Variants in IGSF11 observed in about 807,000 individuals in gnomAD.
IGSF11 encodes CXADR like 1.
IGSF11 carries 22 observed loss-of-function variants against 41.0 expected under a neutral mutation model. That is an observed-to-expected ratio of 0.54 (90% CI 0.38 to 0.77). The LOEUF (loss-of-function observed/expected upper bound fraction) is 0.77, where lower values mean the gene tolerates loss of function less well. Ranked by LOEUF, IGSF11 falls within the 30% of genes least tolerant of loss-of-function variation. IGSF11 has a pLI of 0.00. For synonymous variants in IGSF11, 219 were observed against 201.3 expected (o/e 1.09, Z -0.74); for missense variants, 444 against 530.8 (o/e 0.84, Z 1.61).
intron 4 of IGSF11, among the ~76,000 whole-genome samples, chr3:118,921,640 G>A (rs1352145720): frequency 6.6e-6 from 1 of 151,930 alleles, no homozygotes; most frequent in Non-Finnish European, 1.5e-5. Context: ...AAGACACAAG[G>A]GCACATACCC....
chr3:118,948,205 C>T (rs1944302734), intron 1 of IGSF11: 1 of 152,300 alleles, frequency 6.6e-6, no homozygotes, highest in Non-Finnish European at 1.5e-5. Flanking sequence ...GATTCTTGGA[C>T]ATATCAGATA....
chr3:119,072,774 T>C (rs1413772376), intron 1 of IGSF11, among the ~76,000 whole-genome samples: 1 of 152,182 alleles, frequency 6.6e-6, no homozygotes, highest in Non-Finnish European at 1.5e-5. Context: ...CAAGATTTAT[T>C]GCAAAGAGCA....
intron 1 of IGSF11, among the ~76,000 whole-genome samples, chr3:119,086,541 G>A (rs900666015): frequency 6.6e-6 from 1 of 152,076 alleles, no homozygotes; most frequent in African/African-American, 2.4e-5. Flanking sequence ...ACCTACAAGG[G>A]GAACCCCATC....
intron 1 of IGSF11, among the ~76,000 whole-genome samples, chr3:119,092,040 C>T (rs987213519): frequency 2.0e-5 from 3 of 147,324 alleles, no homozygotes; most frequent in Non-Finnish European, 4.4e-5. Context: ...GAGGCACAGT[C>T]TCACCCTGTC....
intron 1 of IGSF11, among the ~76,000 whole-genome samples, chr3:119,002,305 T>A (rs1936981280): frequency 6.7e-6 from 1 of 149,470 alleles, no homozygotes; most frequent in Non-Finnish European, 1.5e-5. Context: ...CTTCACCCAC[T>A]TTTTGATGGG....
chr3:119,000,141 C>T (rs1422310161), intron 1 of IGSF11, among the ~76,000 whole-genome samples: 2 of 146,070 alleles, frequency 1.4e-5, no homozygotes, highest in African/African-American at 5.2e-5. Context: ...GGTTGTCCTC[C>T]TACCTCTCTG....
chr3:118,982,100 G>A (rs955796271), intron 1 of IGSF11, among the ~76,000 whole-genome samples: 1 of 152,122 alleles, frequency 6.6e-6, no homozygotes, highest in Non-Finnish European at 1.5e-5. Flanking sequence ...GTACCTGCCA[G>A]TATATTCAAG....
At chr3:118,904,334 C>G (rs1029440743) in intron 6 of IGSF11, among the ~76,000 whole-genome samples, 21 of 152,072 alleles carry the variant, frequency 1.4e-4, no homozygotes, top group African/African-American at 4.6e-4. Flanking sequence ...ATAGTAAACA[C>G]GTTTTAGACA....
chr3:119,086,382 C>T (rs1328497030), intron 1 of IGSF11, among the ~76,000 whole-genome samples: 2 of 151,726 alleles, frequency 1.3e-5, no homozygotes, highest in Non-Finnish European at 2.9e-5. Context: ...ACAAGAAATA[C>T]AGAAAAACGT....
chr3:119,075,832 T>G (rs915119713), intron 1 of IGSF11, among the ~76,000 whole-genome samples: 1 of 152,270 alleles, frequency 6.6e-6, no homozygotes, highest in African/African-American at 2.4e-5. Context: ...ATGGCCATAC[T>G]GCCCAAGGTA....
intron 1 of IGSF11, among the ~76,000 whole-genome samples, chr3:118,967,856 C>A (rs1427775716): frequency 6.6e-6 from 1 of 152,160 alleles, no homozygotes; most frequent in East Asian, 1.9e-4. Flanking sequence ...AGCAGTGCCA[C>A]TGAATGAGGT....
At chr3:118,973,787 G>A (rs75371742) in intron 1 of IGSF11, among the ~76,000 whole-genome samples, 3,769 of 152,244 alleles carry the variant, frequency 0.025, 133 homozygotes, top group African/African-American at 0.086. Context: ...AGAAGCAATG[G>A]CAGAGATGAA....
chr3:119,076,013 C>A (rs1204329496), intron 1 of IGSF11, among the ~76,000 whole-genome samples: 1 of 152,176 alleles, frequency 6.6e-6, no homozygotes, highest in African/African-American at 2.4e-5. Context: ...TCAAACTATA[C>A]TACAAGGCTA....
chr3:119,101,844 A>G (rs2076944736), intron 1 of IGSF11, among the ~76,000 whole-genome samples: 1 of 152,260 alleles, frequency 6.6e-6, no homozygotes. Flanking sequence ...TAAATAAATT[A>G]GTCTATTTCC....
chr3:119,079,627 C>T (rs568720442), intron 1 of IGSF11, among the ~76,000 whole-genome samples: 1 of 152,322 alleles, frequency 6.6e-6, no homozygotes, highest in East Asian at 1.9e-4. Context: ...AGACAGGAAT[C>T]AACCTAGATG....
intron 1 of IGSF11, among the ~76,000 whole-genome samples, chr3:119,029,560 T>C (rs1279332384): frequency 6.6e-6 from 1 of 152,134 alleles, no homozygotes; most frequent in Non-Finnish European, 1.5e-5. Context: ...CTGATGTTAC[T>C]AGCAGAGGAA....
chr3:119,134,883 G>T (rs559376657), intron 1 of IGSF11, among the ~76,000 whole-genome samples: 1 of 152,002 alleles, frequency 6.6e-6, no homozygotes, highest in African/African-American at 2.4e-5. Flanking sequence ...CAATAGAACC[G>T]AACAGAGGCC....
Position 118,900,803 on chromosome 3 carries a change from A to C in IGSF11, c.*1717T>G, listed in dbSNP as rs1027946147. On this transcript the variant is annotated 3_prime_UTR_variant, in exon 7 of 7. Coordinates refer to ENST00000393775, the MANE Select transcript of IGSF11 (RefSeq NM_001015887.3). ...TTTATTTAAATTTTTACAAAGTAAG[A>C]ACCATCAAATGGAAAAAAAAATAAG... 1.3e-5 allele frequency: 2 copies of C among 152,610 alleles called. No individual in the cohort carries two copies. Among genetic ancestry groups the C allele is most frequent in the South Asian group, 4.1e-4 (2 of 4,826 alleles). 9.5% of individuals were successfully genotyped at this position (152,610 alleles called of 1,614,324 possible).
chr3:118,941,377 G>A (rs922735007), intron 1 of IGSF11, among the ~76,000 whole-genome samples: 1 of 152,034 alleles, frequency 6.6e-6, no homozygotes, highest in Non-Finnish European at 1.5e-5. Flanking sequence ...ATCCTGAAAC[G>A]ATGCTCCACT....
Sources: gnomAD v4.1 joint callset for allele counts (sites outside exome capture counted in the v4.1 genomes callset) on GRCh38, gnomAD v4.1.1 for gene constraint, MANE v1.5 for transcripts, NCBI Gene and HGNC (gene_info 2026-07-23, HGNC 2026-07-21) for gene names.